Variants in ATXN7L1 observed in about 807,000 individuals in gnomAD.
The protein encoded by ATXN7L1 is ataxin 7 like 1, also known as ataxin-7-like protein 1.
Under a neutral mutation model 70.8 loss-of-function variants are expected in ATXN7L1, and 15 were observed. That is an observed-to-expected ratio of 0.21 (90% CI 0.14 to 0.33). ATXN7L1 has a LOEUF of 0.33. Among genes scored for constraint, ATXN7L1 ranks in the 10% least tolerant of loss-of-function variants. The pLI, the probability that ATXN7L1 is intolerant of heterozygous loss-of-function variation, is 1.00. For missense variants in ATXN7L1, 975 were observed against 1,097.1 expected, an observed-to-expected ratio of 0.89 and a Z score of 1.57; for synonymous variants, 440 against 445.1, an observed-to-expected ratio of 0.99 and a Z score of 0.14.
At chr7:105,876,349 A>C in intron 1 of ATXN7L1, 29 bp downstream of exon 1, 1 of 1,565,284 alleles carries the variant, frequency 6.4e-7, no homozygotes, top group Non-Finnish European at 8.7e-7. Flanking sequence ...CAGGATAATA[A>C]AAGGAGGAGG....
intron 2 of ATXN7L1, among the ~76,000 whole-genome samples, chr7:105,793,807 C>T (rs1181046462): frequency 6.6e-6 from 1 of 152,196 alleles, no homozygotes; most frequent in East Asian, 1.9e-4. Context: ...CTGGTCACCC[C>T]CTGGCCTGAT....
chr7:105,760,564 C>T, intron 3 of ATXN7L1: 1 of 985,858 alleles, frequency 1.0e-6, no homozygotes, highest in Non-Finnish European at 1.2e-6. Context: ...TTAACTGAGA[C>T]TATGTTAGGC....
chr7:105,607,643 T>A lies in ATXN7L1; in HGVS notation c.*209A>T, dbSNP rs1453913015. Reference sequence around the variant, plus strand: ...GACAGCGGAAACCAAACACTGGAACTGTTTTCTGTAAATCTCAAATTCACC... The same window carrying A: ...GACAGCGGAAACCAAACACTGGAACAGTTTTCTGTAAATCTCAAATTCACC... On this transcript the variant is annotated 3_prime_UTR_variant, in exon 12 of 12. Transcript: ENST00000419735. 1 of 574,162 alleles carries A rather than the reference T, an allele frequency of 1.7e-6. No homozygotes were observed. The highest frequency in any genetic ancestry group is 3.1e-6 in the Non-Finnish European group (1 of 320,106). 35.6% of individuals were successfully genotyped at this position (574,162 alleles called of 1,614,324 possible).
At chr7:105,611,242 G>A (rs1451081138) in intron 10 of ATXN7L1, among the ~76,000 whole-genome samples, 4 of 152,216 alleles carry the variant, frequency 2.6e-5, no homozygotes, top group Non-Finnish European at 4.4e-5. Context: ...CAATGGGCCC[G>A]GTCCTTGGGG....
At chr7:105,690,758 A>G (rs1426421852) in intron 3 of ATXN7L1, among the ~76,000 whole-genome samples, 3 of 152,328 alleles carry the variant, frequency 2.0e-5, no homozygotes, top group Non-Finnish European at 4.4e-5. Flanking sequence ...GTACGATATC[A>G]AGGGCTGATT....
chr7:105,763,134 C>T (rs1476878666), intron 3 of ATXN7L1, among the ~76,000 whole-genome samples: 3 of 152,224 alleles, frequency 2.0e-5, no homozygotes, highest in South Asian at 2.1e-4. Flanking sequence ...AAGCTGCTAA[C>T]GCTGGAGTCA....
At chr7:105,797,793 G>A (rs148462664) in intron 2 of ATXN7L1, among the ~76,000 whole-genome samples, 4 of 152,310 alleles carry the variant, frequency 2.6e-5, no homozygotes, top group Non-Finnish European at 4.4e-5. Context: ...GGCAAAGCCC[G>A]GCAGCTTTCC....
At chr7:105,843,818 G>A (rs952828335) in intron 2 of ATXN7L1, among the ~76,000 whole-genome samples, 6 of 152,236 alleles carry the variant, frequency 3.9e-5, no homozygotes, top group African/African-American at 1.4e-4. Flanking sequence ...GATGGCTGGA[G>A]CCAATGGATT....
intron 3 of ATXN7L1, among the ~76,000 whole-genome samples, chr7:105,775,067 G>A (rs932915979): frequency 6.6e-6 from 1 of 152,114 alleles, no homozygotes; most frequent in East Asian, 1.9e-4. Flanking sequence ...TAGTGAAATG[G>A]TTTACTGACT....
chr7:105,822,140 C>G (rs1026036466), intron 2 of ATXN7L1, among the ~76,000 whole-genome samples: 1 of 152,150 alleles, frequency 6.6e-6, no homozygotes, highest in African/African-American at 2.4e-5. Context: ...TTTACTTTCT[C>G]AAAATCCATA....
At chr7:105,849,334 G>C (rs550989735) in intron 2 of ATXN7L1, among the ~76,000 whole-genome samples, 11 of 152,334 alleles carry the variant, frequency 7.2e-5, no homozygotes, top group African/African-American at 2.6e-4. Context: ...GAGGGCTCTG[G>C]CAAGAAGTTA....
rs527710764 is a variant in ATXN7L1, at chr7:105,778,306, A to G, written c.355+10298T>C. On this transcript the variant is annotated intron_variant, in intron 3 of 11. Transcript: ENST00000419735. ...AGGATCGCTTGAGCCCAGGAGTTTG[A>G]GACCAGCCTGGGCAACATGGCGAAA... Among the ~76,000 whole-genome samples, 7 of 150,826 alleles carry G rather than the reference A, an allele frequency of 4.6e-5. No individual in the cohort carries two copies. The South Asian group carries it at 1.5e-3, about 32-fold the overall frequency.
intron 3 of ATXN7L1, among the ~76,000 whole-genome samples, chr7:105,678,387 C>T (rs1805037269): frequency 6.6e-6 from 1 of 152,140 alleles, no homozygotes; most frequent in Non-Finnish European, 1.5e-5. Context: ...AGCTAGAAAC[C>T]AGCCAGACAC....
At position 105,614,086 on chromosome 7, in the gene ATXN7L1, G is replaced by A. The variant is rs1170050603; in HGVS notation, c.2248C>T (p.Leu750Phe). The stretch of plus-strand genomic sequence containing the variant: ...GAGAGGTCCCCTGCGTGGAGCGCAA[G>A]GGAGGGCACAGAGAGGGGACAGGAG... ...SDSCPLSVPS[L>F]ALHAGDLSLA... Residue 750 changes from leucine to phenylalanine, a missense_variant, in exon 10 of 12, where the codon CTT becomes TTT. This residue lies in a region of ATXN7L1 where 635 missense variants were observed against 699.4 expected (regional missense o/e 0.91). Coordinates refer to ENST00000419735, the MANE Select transcript of ATXN7L1 (RefSeq NM_020725.2). This position sits in a 1 kb window ranked among gnomAD's most constrained non-coding sequence, Gnocchi z 4.3. The A allele has an allele frequency of 2.6e-6, 4 of 1,551,654 alleles. No homozygotes were observed. The highest frequency in any genetic ancestry group is 2.0e-5 in the Admixed American group (1 of 50,992).
intron 3 of ATXN7L1, among the ~76,000 whole-genome samples, chr7:105,669,775 T>C (rs1167842092): frequency 6.6e-6 from 1 of 151,924 alleles, no homozygotes; most frequent in African/African-American, 2.4e-5. Context: ...CAAAATTAGC[T>C]GGGCGTGGTG....
intron 3 of ATXN7L1, among the ~76,000 whole-genome samples, chr7:105,682,532 G>T (rs765981482): frequency 6.6e-6 from 1 of 152,098 alleles, no homozygotes; most frequent in Non-Finnish European, 1.5e-5. Flanking sequence ...CAACCCAAAC[G>T]CCCATCCATG....
intron 4 of ATXN7L1, among the ~76,000 whole-genome samples, chr7:105,649,064 G>C (rs1799486824): frequency 6.6e-6 from 1 of 152,196 alleles, no homozygotes; most frequent in Non-Finnish European, 1.5e-5. Flanking sequence ...GCCCTTCAAA[G>C]TTCCTTTCCC....
chr7:105,640,852 G>A (rs1798072111), intron 5 of ATXN7L1, among the ~76,000 whole-genome samples: 1 of 152,252 alleles, frequency 6.6e-6, no homozygotes, highest in Non-Finnish European at 1.5e-5. Context: ...GAATGACACA[G>A]CCCTCTGGGC....
chr7:105,640,620 C>T (rs534117144), intron 5 of ATXN7L1, among the ~76,000 whole-genome samples: 17 of 152,326 alleles, frequency 1.1e-4, no homozygotes, highest in African/African-American at 3.1e-4. Flanking sequence ...ACTGCAGCCT[C>T]GACCTCCTGG....
Sources: allele counts gnomAD v4.1 joint callset (sites outside exome capture counted in the v4.1 genomes callset), GRCh38; gene constraint gnomAD v4.1.1; regional missense constraint gnomAD v4.1.1; non-coding constraint Gnocchi (gnomAD v3.1); transcripts MANE v1.5; gene names NCBI Gene and HGNC (gene_info 2026-07-23, HGNC 2026-07-21).